TTC28: variants seen among roughly 807,000 people sequenced by gnomAD.
The protein encoded by TTC28 is tetratricopeptide repeat protein 28.
TTC28 carries 61 observed loss-of-function variants against 198.0 expected under a neutral mutation model. That is an observed-to-expected ratio of 0.31 (90% CI 0.25 to 0.38). TTC28 has a LOEUF of 0.38. Ranked by LOEUF, TTC28 falls within the 10% of genes least tolerant of loss-of-function variation. The pLI is 1.00. For missense variants in TTC28, 2,678 were observed against 3,164.0 expected (o/e 0.85, Z 3.69); for synonymous variants, 1,171 against 1,297.8 (o/e 0.90, Z 2.10).
chr22:28,164,503 C>A (rs1317726628), intron 5 of TTC28, among the ~76,000 whole-genome samples: 1 of 152,208 alleles, frequency 6.6e-6, no homozygotes, highest in Non-Finnish European at 1.5e-5. Flanking sequence ...CACTGTTCTA[C>A]AGCCACTGCT....
At chr22:28,551,063 A>C (rs543427699) in intron 2 of TTC28, among the ~76,000 whole-genome samples, 59 of 152,216 alleles carry the variant, frequency 3.9e-4, no homozygotes, top group African/African-American at 1.3e-3. Flanking sequence ...TTTATAAAAC[A>C]ATTACTACTA....
chr22:28,406,489 C>T (rs900823451), intron 2 of TTC28, among the ~76,000 whole-genome samples: 4 of 152,096 alleles, frequency 2.6e-5, no homozygotes, highest in East Asian at 1.9e-4. Context: ...TGCTGTGTAG[C>T]GGAGGAACAG....
intron 5 of TTC28, among the ~76,000 whole-genome samples, chr22:28,234,600 T>C (rs1929091996): frequency 6.6e-6 from 1 of 151,986 alleles, no homozygotes; most frequent in African/African-American, 2.4e-5. Context: ...CTCGAACTCC[T>C]GACCTCAAGT....
intron 2 of TTC28, among the ~76,000 whole-genome samples, chr22:28,445,858 CTA>C (rs984120450): frequency 1.0e-4 from 15 of 149,632 alleles, no homozygotes; most frequent in African/African-American, 3.7e-4. Context: ...ACATACATAT[CTA>C]TACACACACA....
At chr22:28,328,249 T>C (rs909847949) in intron 2 of TTC28, among the ~76,000 whole-genome samples, 12 of 151,774 alleles carry the variant, frequency 7.9e-5, no homozygotes, top group Non-Finnish European at 8.8e-5. Context: ...TTGGGCAACA[T>C]AGCAAGACCC....
chr22:28,607,742 A>G (rs1344990909), intron 2 of TTC28, among the ~76,000 whole-genome samples: 1 of 152,136 alleles, frequency 6.6e-6, no homozygotes, highest in African/African-American at 2.4e-5. Context: ...AGATAGTACC[A>G]CCTATAGCAG....
intron 5 of TTC28, among the ~76,000 whole-genome samples, chr22:28,232,166 C>G (rs1457091240): frequency 6.6e-6 from 1 of 152,198 alleles, no homozygotes; most frequent in African/African-American, 2.4e-5. Flanking sequence ...GGATTTCAAC[C>G]ACTCCAGCAC....
At chr22:28,229,953 AGTG>A (rs968266771) in intron 5 of TTC28, among the ~76,000 whole-genome samples, 4 of 152,316 alleles carry the variant, frequency 2.6e-5, no homozygotes, top group African/African-American at 7.2e-5. Flanking sequence ...GGCTTCATGA[AGTG>A]GTAATAAATA....
In TTC28 at chr22:28,184,677, T is replaced by C. The variant is rs1490885017; in HGVS notation, c.934-21078A>G. On this transcript the variant is annotated intron_variant, in intron 5 of 22. Transcript: ENST00000397906. Reference sequence around the variant, plus strand: ...AGCTAACATTAAATATAGGTTATACTGATAGATACGATTTCTAATTACAAG... The same window carrying C: ...AGCTAACATTAAATATAGGTTATACCGATAGATACGATTTCTAATTACAAG... 2.6e-5 allele frequency among the ~76,000 whole-genome samples: 4 copies of C among 152,154 alleles called. 1 individual carries two copies. Among genetic ancestry groups the C allele is most frequent in the Non-Finnish European group, 5.9e-5 (4 of 68,016 alleles).
chr22:28,335,314 C>T (rs1196052554), intron 2 of TTC28, among the ~76,000 whole-genome samples: 1 of 152,140 alleles, frequency 6.6e-6, no homozygotes, highest in East Asian at 1.9e-4. Flanking sequence ...GTTCTTTTGG[C>T]TTAGGATTGA....
chr22:28,378,569 C>T (rs2046448256), intron 2 of TTC28, among the ~76,000 whole-genome samples: 1 of 151,682 alleles, frequency 6.6e-6, no homozygotes, highest in Admixed American at 6.6e-5. Context: ...GATCACCTGA[C>T]CCCAGAGGTT....
chr22:28,422,042 A>G (rs16986400), intron 2 of TTC28, among the ~76,000 whole-genome samples: 5,459 of 152,230 alleles, frequency 0.036, 155 homozygotes, highest in African/African-American at 0.069. Flanking sequence ...TATGGTCTTC[A>G]GTGCATTTCT....
intron 2 of TTC28, among the ~76,000 whole-genome samples, chr22:28,582,308 A>G (rs573853915): frequency 6.2e-4 from 94 of 152,268 alleles, no homozygotes; most frequent in African/African-American, 2.2e-3. Flanking sequence ...GCTTAAACAG[A>G]ACAACTTTAA....
At position 28,184,419 on chromosome 22, in the gene TTC28, G is replaced by C. The variant is rs1179835250; in HGVS notation, c.934-20820C>G. Among the ~76,000 whole-genome samples the C allele has an allele frequency of 3.3e-5, 5 of 151,968 alleles. No individual in the cohort carries two copies. The South Asian group carries it at 1.0e-3, about 31-fold the overall frequency. ...GTGTGGCATTTGTCAGTGTTCCTTT[G>C]GCACAGAAATTATTTGGGCATGCAA... On this transcript the variant is annotated intron_variant, in intron 5 of 22. Coordinates refer to ENST00000397906, the MANE Select transcript of TTC28 (RefSeq NM_001145418.2).
chr22:28,639,423 T>C (rs1225308991), intron 1 of TTC28, among the ~76,000 whole-genome samples: 2 of 152,208 alleles, frequency 1.3e-5, no homozygotes, highest in African/African-American at 4.8e-5. Context: ...CTTTTTCAAA[T>C]TCACACAAAG....
intron 2 of TTC28, among the ~76,000 whole-genome samples, chr22:28,471,610 A>T (rs2048097297): frequency 6.6e-6 from 1 of 152,144 alleles, no homozygotes; most frequent in Admixed American, 6.6e-5. Flanking sequence ...CTCAAACAGG[A>T]TTACTCATGA....
intron 2 of TTC28, among the ~76,000 whole-genome samples, chr22:28,384,019 T>C (rs926311378): frequency 6.6e-6 from 1 of 152,184 alleles, no homozygotes; most frequent in East Asian, 1.9e-4. Flanking sequence ...CCGTTCTCTT[T>C]GTTACTCTGT....
At chr22:28,662,140 CTT>C (rs1297522314) in intron 1 of TTC28, among the ~76,000 whole-genome samples, 1 of 152,116 alleles carries the variant, frequency 6.6e-6, no homozygotes, top group Non-Finnish European at 1.5e-5. Flanking sequence ...TGATAATAAA[CTT>C]AATGTCAAAT....
At chr22:28,269,313 A>T (rs1931897343) in intron 5 of TTC28, among the ~76,000 whole-genome samples, 1 of 152,038 alleles carries the variant, frequency 6.6e-6, no homozygotes. Context: ...GTCCCTCGGG[A>T]AGTGTGCCCA....
Sources: gnomAD v4.1 joint callset for allele counts (sites outside exome capture counted in the v4.1 genomes callset) on GRCh38, gnomAD v4.1.1 for gene constraint, MANE v1.5 for transcripts, NCBI Gene and HGNC (gene_info 2026-07-23, HGNC 2026-07-21) for gene names.